Variants in SLCO1B3 observed in about 807,000 individuals in gnomAD.
The protein encoded by SLCO1B3 is solute carrier organic anion transporter family member 1B3.
In SLCO1B3, 72 loss-of-function variants were observed where a neutral mutation model predicts 71.8. The observed-to-expected ratio is 1.00, with a 90% CI of 0.83 to 1.22. The LOEUF is 1.22. SLCO1B3 is among the 50% of genes most tolerant of loss of function. SLCO1B3 has a pLI of 0.00. For synonymous variants in SLCO1B3, 298 were observed against 278.4 expected (o/e 1.07, Z -0.70); for missense variants, 911 against 819.7 (o/e 1.11, Z -1.36).
At chr12:20,833,189 A>G (rs1016864761) in intron 3 of SLCO1B3, among the ~76,000 whole-genome samples, 52 of 152,102 alleles carry the variant, frequency 3.4e-4, no homozygotes, top group African/African-American at 9.9e-4. Flanking sequence ...TGTGATTACA[A>G]TGGATTCACT....
chr12:20,913,453 A>G (rs950436827), intron 15 of SLCO1B3, among the ~76,000 whole-genome samples: 1 of 152,090 alleles, frequency 6.6e-6, no homozygotes, highest in African/African-American at 2.4e-5. Context: ...ACATATTTAG[A>G]CACTCCATTT....
chr12:20,893,175 A>G (rs531371204), intron 13 of SLCO1B3, among the ~76,000 whole-genome samples: 17 of 152,272 alleles, frequency 1.1e-4, no homozygotes, highest in Admixed American at 2.0e-4. Context: ...GGATGGCCAA[A>G]ATGGAGAATT....
At chr12:20,834,021 A>G (rs1047888601) in intron 3 of SLCO1B3, among the ~76,000 whole-genome samples, 40 of 145,698 alleles carry the variant, frequency 2.7e-4, no homozygotes, top group Non-Finnish European at 3.7e-4. Flanking sequence ...TATATGTATT[A>G]TATTTATATA....
chr12:20,833,094 A>G (rs1056063676), intron 3 of SLCO1B3, among the ~76,000 whole-genome samples: 5 of 152,148 alleles, frequency 3.3e-5, no homozygotes, highest in Non-Finnish European at 7.3e-5. Flanking sequence ...GGCTGTCTGA[A>G]TTCCTTGGCT....
At chr12:20,866,383 G>A (rs1865373586) in intron 8 of SLCO1B3, among the ~76,000 whole-genome samples, 1 of 152,092 alleles carries the variant, frequency 6.6e-6, no homozygotes, top group East Asian at 1.9e-4. Context: ...TAGTGCAATA[G>A]CTTTTTATAT....
chr12:20,821,416 A>AT (rs779714053), intron 3 of SLCO1B3, among the ~76,000 whole-genome samples: 3 of 152,160 alleles, frequency 2.0e-5, no homozygotes, highest in Non-Finnish European at 2.9e-5. Flanking sequence ...GTTCTTAAGA[A>AT]TACAGGCTAA....
At chr12:20,823,680 T>C (rs1864364838) in intron 3 of SLCO1B3, among the ~76,000 whole-genome samples, 1 of 152,232 alleles carries the variant, frequency 6.6e-6, no homozygotes. Context: ...ACTACGAATG[T>C]AAGATTAGAC....
At chr12:20,882,396 T>C (rs1182398825) in intron 12 of SLCO1B3, among the ~76,000 whole-genome samples, 1 of 152,152 alleles carries the variant, frequency 6.6e-6, no homozygotes, top group Non-Finnish European at 1.5e-5. Flanking sequence ...CATACGAGTA[T>C]GGATTTAAAT....
At chr12:20,912,809 A>G (rs955914885) in intron 15 of SLCO1B3, among the ~76,000 whole-genome samples, 1 of 145,776 alleles carries the variant, frequency 6.9e-6, no homozygotes, top group Non-Finnish European at 1.5e-5. Context: ...GGTGTGAGCC[A>G]CTGCGCCCAG....
intron 8 of SLCO1B3, among the ~76,000 whole-genome samples, chr12:20,867,450 G>A (rs1865394985): frequency 1.3e-5 from 2 of 151,806 alleles, no homozygotes; most frequent in Non-Finnish European, 1.5e-5. Flanking sequence ...AAAAAGGTGT[G>A]GAGTGAAGAA....
At chr12:20,901,261 A>G (rs1030179315) in intron 14 of SLCO1B3, 89 bp from the exon 15 acceptor site, 11 of 881,080 alleles carry the variant, frequency 1.2e-5, no homozygotes, top group Non-Finnish European at 1.8e-5. Flanking sequence ...TTAAACTTGT[A>G]TTAATCCAAA....
At chr12:20,908,925 A>G (rs1304751517) in intron 15 of SLCO1B3, among the ~76,000 whole-genome samples, 2 of 152,218 alleles carry the variant, frequency 1.3e-5, no homozygotes, top group East Asian at 3.9e-4. Flanking sequence ...ACTTGATCAT[A>G]TGATAAAAAT....
At chr12:20,848,097 T>C (rs1286870990) in intron 3 of SLCO1B3, among the ~76,000 whole-genome samples, 1 of 148,922 alleles carries the variant, frequency 6.7e-6, no homozygotes, top group Non-Finnish European at 1.5e-5. Context: ...ATATATTTAA[T>C]AAGGGGCTGA....
At chr12:20,864,980 A>C (rs1454436566) in intron 8 of SLCO1B3, among the ~76,000 whole-genome samples, 2 of 152,092 alleles carry the variant, frequency 1.3e-5, no homozygotes, top group Non-Finnish European at 1.5e-5. Context: ...TATACTTTTC[A>C]TACAGAATTT....
chr12:20,826,373 A>G (rs1351317891), intron 3 of SLCO1B3, among the ~76,000 whole-genome samples: 1 of 152,164 alleles, frequency 6.6e-6, no homozygotes, highest in Non-Finnish European at 1.5e-5. Flanking sequence ...ACACAATAAA[A>G]GTTGAACTTT....
chr12:20,810,877 C>G (rs967443287), intron 1 of SLCO1B3, 113 bp downstream of exon 1: 2 of 152,130 alleles, frequency 1.3e-5, no homozygotes, highest in African/African-American at 4.8e-5. Context: ...ATTTTATGCT[C>G]TGTGTCTTCT....
chr12:20,900,024 A>G (rs1253421822), intron 14 of SLCO1B3, among the ~76,000 whole-genome samples: 1 of 152,342 alleles, frequency 6.6e-6, no homozygotes, highest in Middle Eastern at 3.4e-3. Context: ...GAAGATTTAC[A>G]ATTCTAATAA....
intron 3 of SLCO1B3, among the ~76,000 whole-genome samples, chr12:20,850,440 C>T (rs1004093899): frequency 1.3e-5 from 2 of 151,770 alleles, no homozygotes; most frequent in Admixed American, 6.6e-5. Flanking sequence ...CCACCACTCC[C>T]GGCTAATTTT....
intron 3 of SLCO1B3, among the ~76,000 whole-genome samples, chr12:20,833,943 T>G (rs1591751005): frequency 6.8e-6 from 1 of 146,484 alleles, no homozygotes; most frequent in Non-Finnish European, 1.5e-5. Context: ...TATGTACACA[T>G]ATACATATAT....
Sources: allele counts gnomAD v4.1 joint callset (sites outside exome capture counted in the v4.1 genomes callset), GRCh38; gene constraint gnomAD v4.1.1; transcripts MANE v1.5; gene names NCBI Gene and HGNC (gene_info 2026-07-23, HGNC 2026-07-21).